The following CHCHD3 variants were observed in gnomAD, a reference collection of about 807,000 sequenced individuals.
CHCHD3 encodes MICOS complex subunit MIC19.
Under a neutral mutation model 38.2 loss-of-function variants are expected in CHCHD3, and 20 were observed. The observed-to-expected ratio is 0.52, with a 90% CI of 0.37 to 0.76. The LOEUF is 0.76. Ranked by LOEUF, CHCHD3 falls within the 30% of genes least tolerant of loss-of-function variation. The pLI, the probability that CHCHD3 is intolerant of heterozygous loss-of-function variation, is 0.00. For synonymous variants in CHCHD3, 82 were observed against 100.0 expected (o/e 0.82, Z 1.07); for missense variants, 245 against 279.2 (o/e 0.88, Z 0.87).
intron 4 of CHCHD3, among the ~76,000 whole-genome samples, chr7:132,936,602 C>G (rs558776664): frequency 7.1e-4 from 108 of 152,290 alleles, no homozygotes; most frequent in Middle Eastern, 3.4e-3. Context: ...CCCTATTTCC[C>G]AATCTTATTC....
In CHCHD3 at chr7:133,035,833, G is replaced by A. The variant is rs568586674; in HGVS notation, c.170-11206C>T. The A allele has an allele frequency of 6.2e-7, 1 of 1,613,058 alleles. No individual in the cohort carries two copies. Among genetic ancestry groups the A allele is most frequent in the African/African-American group, 1.3e-5 (1 of 75,026 alleles). ...AAGTGGGGTGGTGCGGAGAGCACGC[G>A]GATCTGAGCCCCGCTGTACTGAGCA... On this transcript the variant is annotated intron_variant, in intron 2 of 7. Transcript: ENST00000262570. The surrounding 1 kb of genome is among the most constrained non-coding windows in gnomAD (Gnocchi z 4.7).
At chr7:132,956,142 T>C (rs185788475) in intron 4 of CHCHD3, among the ~76,000 whole-genome samples, 7 of 152,326 alleles carry the variant, frequency 4.6e-5, no homozygotes, top group African/African-American at 1.4e-4. Flanking sequence ...CAGATTGCAT[T>C]CAGACACAAG....
intron 2 of CHCHD3, among the ~76,000 whole-genome samples, chr7:133,028,512 G>C (rs1048429050): frequency 2.6e-5 from 4 of 152,096 alleles, no homozygotes; most frequent in Admixed American, 2.6e-4. Flanking sequence ...TAAGAGGTGA[G>C]ACTGGGACAT....
At chr7:133,066,427 G>A (rs1299754319) in intron 2 of CHCHD3, among the ~76,000 whole-genome samples, 3 of 151,878 alleles carry the variant, frequency 2.0e-5, no homozygotes, top group African/African-American at 7.3e-5. Context: ...GCTATTTTTT[G>A]TATTTTTAGT....
intron 2 of CHCHD3, among the ~76,000 whole-genome samples, chr7:133,051,325 C>T (rs973129558): frequency 4.6e-5 from 7 of 152,148 alleles, no homozygotes; most frequent in South Asian, 2.1e-4. Flanking sequence ...GCAAACAGCG[C>T]GGGGAGATAG....
intron 2 of CHCHD3, among the ~76,000 whole-genome samples, chr7:133,068,270 A>T (rs1002372398): frequency 1.3e-5 from 2 of 152,252 alleles, no homozygotes; most frequent in Non-Finnish European, 2.9e-5. Context: ...ACAAACGATA[A>T]TAAGCACTTA....
intron 2 of CHCHD3, among the ~76,000 whole-genome samples, chr7:133,029,332 ATAT>A (rs1313110779): frequency 6.6e-6 from 1 of 152,222 alleles, no homozygotes; most frequent in Non-Finnish European, 1.5e-5. Flanking sequence ...CAAGTAAAAA[ATAT>A]TATTAACTAA....
At chr7:133,047,558 A>C (rs1459813231) in intron 2 of CHCHD3, among the ~76,000 whole-genome samples, 1 of 152,232 alleles carries the variant, frequency 6.6e-6, no homozygotes, top group African/African-American at 2.4e-5. Context: ...TTGTTCAAAT[A>C]TGTTTTACGT....
intron 7 of CHCHD3, among the ~76,000 whole-genome samples, chr7:132,795,544 C>A (rs1032792706): frequency 3.9e-5 from 6 of 152,062 alleles, no homozygotes; most frequent in African/African-American, 1.4e-4. Context: ...CTAACCCTCC[C>A]GTCGGATATT....
At chr7:132,965,059 A>ATGTGTGTGTG (rs5887603) in intron 4 of CHCHD3, among the ~76,000 whole-genome samples, 9,680 of 148,434 alleles carry the variant, frequency 0.065, 345 homozygotes, top group Admixed American at 0.091. Context: ...TATGGGTTTT[A>ATGTGTGTGTG]TGTGTGTGTG....
intron 3 of CHCHD3, among the ~76,000 whole-genome samples, chr7:132,977,468 T>G (rs1811796922): frequency 6.6e-6 from 1 of 152,218 alleles, no homozygotes; most frequent in African/African-American, 2.4e-5. Context: ...ATTGTGCAAA[T>G]AACTGCTGAG....
At chr7:132,840,259 C>T (rs139780776) in intron 5 of CHCHD3, among the ~76,000 whole-genome samples, 2 of 152,306 alleles carry the variant, frequency 1.3e-5, no homozygotes, top group Non-Finnish European at 2.9e-5. Context: ...CCTTTGAACC[C>T]TTCTAACAAA....
intron 2 of CHCHD3, among the ~76,000 whole-genome samples, chr7:133,064,802 G>T (rs1418408644): frequency 6.6e-6 from 1 of 152,056 alleles, no homozygotes; most frequent in African/African-American, 2.4e-5. Context: ...CATTTGTCTT[G>T]TTTTTTTCCA....
intron 4 of CHCHD3, chr7:132,972,519 T>C: frequency 1.1e-6 from 1 of 888,018 alleles, no homozygotes; most frequent in Non-Finnish European, 1.3e-6. Context: ...TATTTTCTAA[T>C]CTTGATCCAA....
chr7:132,963,985 C>A (rs1475575752), intron 4 of CHCHD3, among the ~76,000 whole-genome samples: 1 of 152,078 alleles, frequency 6.6e-6, no homozygotes, highest in Non-Finnish European at 1.5e-5. Context: ...TAACAAATCT[C>A]CAAAATGGTC....
chr7:132,793,680 T>C lies in CHCHD3; in HGVS notation c.660+2762A>G, dbSNP rs117460709. On this transcript the variant is annotated intron_variant, in intron 7 of 7. Coordinates refer to ENST00000262570, the MANE Select transcript of CHCHD3 (RefSeq NM_017812.4). The stretch of plus-strand genomic sequence containing the variant: ...GGGAACCCGTGAAAGGCCAATCTTA[T>C]GAGTTATTTAAAAGTGGAGTGGACT... Among the ~76,000 whole-genome samples, 37 of 152,312 alleles carry C rather than the reference T, an allele frequency of 2.4e-4. No individual in the cohort carries two copies. In the East Asian group the frequency reaches 6.9e-3, roughly 29 times the overall value.
intron 3 of CHCHD3, among the ~76,000 whole-genome samples, chr7:132,985,286 C>T (rs1364381165): frequency 1.5e-5 from 1 of 66,346 alleles, no homozygotes; most frequent in Non-Finnish European, 3.1e-5. Flanking sequence ...CCGCCCCGTC[C>T]GGGAGGTGAG....
chr7:133,055,495 TTTA>T (rs1424924455), intron 2 of CHCHD3, among the ~76,000 whole-genome samples: 3 of 144,628 alleles, frequency 2.1e-5, no homozygotes, highest in Non-Finnish European at 3.0e-5. Context: ...TTGTTATATA[TTTA>T]TTATAATTAA....
rs996719331 is a variant in CHCHD3, at chr7:132,795,803, G to C, written c.660+639C>G. Among the ~76,000 whole-genome samples the C allele has an allele frequency of 5.2e-4, 79 of 152,226 alleles. 1 individual carries two copies. Among genetic ancestry groups the C allele is most frequent in the African/African-American group, 1.8e-3 (73 of 41,538 alleles). ...TGCCAGAATTGATAATTTGCTTCAG[G>C]GTTTATCATTAGCTTTCTAAAGTAC... On this transcript the variant is annotated intron_variant, in intron 7 of 7. Transcript: ENST00000262570.
Sources: gnomAD v4.1 joint callset for allele counts (sites outside exome capture counted in the v4.1 genomes callset) on GRCh38, gnomAD v4.1.1 for gene constraint, Gnocchi (gnomAD v3.1) non-coding constraint, MANE v1.5 for transcripts, NCBI Gene and HGNC (gene_info 2026-07-23, HGNC 2026-07-21) for gene names.